Variants in KLHDC1 observed in about 807,000 individuals in gnomAD.
The protein encoded by KLHDC1 is kelch domain-containing protein 1.
A neutral mutation model predicts 68.3 loss-of-function variants in KLHDC1; 53 were observed. That is an observed-to-expected ratio of 0.78 (90% CI 0.62 to 0.98). The LOEUF (loss-of-function observed/expected upper bound fraction) is 0.98. Ranked by LOEUF, KLHDC1 falls within the 50% of genes least tolerant of loss-of-function variation. The pLI, the probability that KLHDC1 is intolerant of heterozygous loss-of-function variation, is 0.00. For synonymous variants in KLHDC1, 148 were observed against 159.0 expected (o/e 0.93, Z 0.52); for missense variants, 470 against 492.3 (o/e 0.95, Z 0.43).
chr14:49,706,541 T>G (rs913732546), intron 1 of KLHDC1, among the ~76,000 whole-genome samples: 13 of 152,238 alleles, frequency 8.5e-5, no homozygotes, highest in South Asian at 4.1e-4. Context: ...TTTTTAGTTT[T>G]TAAAGAAACC....
chr14:49,728,784 A>G (rs959963833), intron 6 of KLHDC1, 142 bp from the exon 7 acceptor site: 2 of 662,970 alleles, frequency 3.0e-6, no homozygotes, highest in Non-Finnish European at 5.4e-6. Flanking sequence ...TATTTAGAAT[A>G]AACTTTTGCA....
chr14:49,708,307 C>G (rs1163845047), intron 1 of KLHDC1: 2 of 152,126 alleles, frequency 1.3e-5, no homozygotes, highest in Non-Finnish European at 2.9e-5. Context: ...CTCCTAACCT[C>G]AGGTCATCCA....
intron 8 of KLHDC1, among the ~76,000 whole-genome samples, chr14:49,732,452 C>T (rs1273811578): frequency 6.6e-6 from 1 of 152,184 alleles, no homozygotes; most frequent in Non-Finnish European, 1.5e-5. Context: ...GAATTACAGG[C>T]ATGAGCCACC....
At chr14:49,739,495 T>C (rs1356909109) in intron 10 of KLHDC1, among the ~76,000 whole-genome samples, 3 of 152,214 alleles carry the variant, frequency 2.0e-5, no homozygotes, top group Admixed American at 2.0e-4. Context: ...TATGGTGTTC[T>C]GTACTCAGAG....
intron 4 of KLHDC1, among the ~76,000 whole-genome samples, chr14:49,710,767 A>G (rs965220721): frequency 2.0e-5 from 3 of 151,968 alleles, no homozygotes; most frequent in African/African-American, 7.3e-5. Context: ...CTTCTGTTCC[A>G]TTTTTGGGAA....
chr14:49,720,140 C>A (rs1202211415), intron 4 of KLHDC1, among the ~76,000 whole-genome samples: 1 of 152,174 alleles, frequency 6.6e-6, no homozygotes, highest in African/African-American at 2.4e-5. Flanking sequence ...GCATGCGCCA[C>A]CAAACCCGGC....
At chr14:49,719,586 G>C (rs1219009070) in intron 4 of KLHDC1, among the ~76,000 whole-genome samples, 3 of 151,246 alleles carry the variant, frequency 2.0e-5, no homozygotes, top group Non-Finnish European at 4.4e-5. Flanking sequence ...GCACTACCAT[G>C]CTCGGCTAAT....
intron 10 of KLHDC1, among the ~76,000 whole-genome samples, chr14:49,737,544 T>G (rs1396248627): frequency 2.6e-5 from 4 of 152,144 alleles, no homozygotes; most frequent in Non-Finnish European, 4.4e-5. Context: ...TTTAGGTATC[T>G]GTTGCTTCAA....
Position 49,693,281 on chromosome 14 carries a change from G to T in KLHDC1, c.87G>T (p.Gly29=). ...VVDGNFLYVW[G]GYVSIEDNEV... ...ACGGAAACTTCCTCTACGTGTGGGG[G>T]GGCTACGTGGTAAGGGGAAGAGGCG... Residue 29 remains glycine (G), a synonymous_variant, in exon 1 of 13, where the codon GGG becomes GGT. Coordinates refer to ENST00000359332, the MANE Select transcript of KLHDC1 (RefSeq NM_172193.3). 1.9e-6 allele frequency: 3 copies of T among 1,550,304 alleles called. No individual in the cohort carries two copies. The highest frequency in any genetic ancestry group is 2.6e-6 in the Non-Finnish European group (3 of 1,149,782).
intron 5 of KLHDC1, among the ~76,000 whole-genome samples, chr14:49,725,394 T>G (rs1401993204): frequency 6.6e-6 from 1 of 152,310 alleles, no homozygotes; most frequent in Non-Finnish European, 1.5e-5. Flanking sequence ...TTCCACCCTC[T>G]GCAATTTTAA....
intron 11 of KLHDC1, 41 bp downstream of exon 11, chr14:49,740,223 G>C (rs766224116): frequency 8.2e-7 from 1 of 1,223,582 alleles, no homozygotes; most frequent in Admixed American, 1.9e-5. Context: ...CTGAGTAGTT[G>C]TGTTATTCAC....
chr14:49,714,441 C>T (rs913321423), intron 4 of KLHDC1, among the ~76,000 whole-genome samples: 1 of 151,268 alleles, frequency 6.6e-6, no homozygotes, highest in Non-Finnish European at 1.5e-5. Flanking sequence ...CCATTGCACT[C>T]GAGCCTGGGT....
chr14:49,710,132 T>A (rs1888160395), intron 3 of KLHDC1, 131 bp from the exon 4 acceptor site: 1 of 562,360 alleles, frequency 1.8e-6, no homozygotes, highest in African/African-American at 1.9e-5. Flanking sequence ...CTCCAATTTT[T>A]AAATTTTAAT....
rs770965841 is a variant in KLHDC1, at chr14:49,751,686, T to C, written c.1135T>C (p.Phe379Leu). 5 of 1,608,696 alleles carry C rather than the reference T, an allele frequency of 3.1e-6. No homozygotes were observed. Among genetic ancestry groups the C allele is most frequent in the Non-Finnish European group, 4.2e-6 (5 of 1,176,740 alleles). ...LLQQVLKKIT[F>L]WAAANHREEQ... ...GCAACAAGTACTCAAAAAAATAACA[T>C]TTTGGGCTGCAGCTAATCACCGAGA... Residue 379 changes from phenylalanine to leucine, a missense_variant, in exon 13 of 13, where the codon TTT becomes CTT. Coordinates refer to ENST00000359332, the MANE Select transcript of KLHDC1 (RefSeq NM_172193.3).
chr14:49,705,039 C>T (rs772331250), intron 1 of KLHDC1, among the ~76,000 whole-genome samples: 14 of 151,984 alleles, frequency 9.2e-5, no homozygotes, highest in Non-Finnish European at 1.9e-4. Context: ...AATAGGGGAC[C>T]TTAATACTTT....
At chr14:49,729,339 A>T in intron 7 of KLHDC1, 151 bp from the exon 8 acceptor site, 1 of 646,298 alleles carries the variant, frequency 1.5e-6, no homozygotes, top group Non-Finnish European at 2.7e-6. Flanking sequence ...TGTCAGTCTT[A>T]TTAATGCTTA....
chr14:49,728,775 A>G (rs1888732265), intron 6 of KLHDC1, 151 bp from the exon 7 acceptor site: 9 of 651,886 alleles, frequency 1.4e-5, no homozygotes, highest in East Asian at 5.5e-5. Context: ...AATTAGTACT[A>G]TTTAGAATAA....
chr14:49,725,112 G>A (rs188507307), intron 5 of KLHDC1, among the ~76,000 whole-genome samples: 1 of 152,282 alleles, frequency 6.6e-6, no homozygotes, highest in Non-Finnish European at 1.5e-5. Flanking sequence ...ATCATCTAGA[G>A]TAGTGATAGA....
At chr14:49,729,904 T>C (rs1028518562) in intron 8 of KLHDC1, among the ~76,000 whole-genome samples, 1 of 152,200 alleles carries the variant, frequency 6.6e-6, no homozygotes, top group Non-Finnish European at 1.5e-5. Flanking sequence ...TATTTAACAA[T>C]AGAACAAATA....
Sources: allele counts gnomAD v4.1 joint callset (sites outside exome capture counted in the v4.1 genomes callset), GRCh38; gene constraint gnomAD v4.1.1; transcripts MANE v1.5; gene names NCBI Gene and HGNC (gene_info 2026-07-23, HGNC 2026-07-21).